GRM8: variants seen among roughly 807,000 people sequenced by gnomAD.
The protein encoded by GRM8 is glutamate metabotropic receptor 8, also known as metabotropic glutamate receptor 8.
Under a neutral mutation model 87.2 loss-of-function variants are expected in GRM8, and 47 were observed. That is an observed-to-expected ratio of 0.54 (90% CI 0.43 to 0.69). The LOEUF is 0.69. GRM8 is among the 30% of genes least tolerant of loss of function. The probability of loss-of-function intolerance (pLI) is 0.00; values close to 1 mark genes in which losing one functional copy is unlikely to be tolerated. For missense variants in GRM8, 1,019 were observed against 1,139.2 expected, an observed-to-expected ratio of 0.89 and a Z score of 1.52; for synonymous variants, 396 against 404.5, an observed-to-expected ratio of 0.98 and a Z score of 0.25.
At chr7:126,980,545 T>C (rs1811418705) in intron 3 of GRM8, among the ~76,000 whole-genome samples, 1 of 152,232 alleles carries the variant, frequency 6.6e-6, no homozygotes, top group East Asian at 1.9e-4. Flanking sequence ...AATTCTTGCC[T>C]CTGTCCTTGA....
chr7:126,477,913 C>T (rs1362379476), intron 9 of GRM8, among the ~76,000 whole-genome samples: 1 of 152,054 alleles, frequency 6.6e-6, no homozygotes, highest in Non-Finnish European at 1.5e-5. Context: ...AAGGTGTTGG[C>T]CATGCAGTTC....
intron 10 of GRM8, among the ~76,000 whole-genome samples, chr7:126,442,386 C>T (rs887438900): frequency 3.3e-5 from 5 of 151,606 alleles, no homozygotes; most frequent in African/African-American, 1.2e-4. Context: ...TCTAAATTTC[C>T]TCTAAGAAAA....
intron 3 of GRM8, chr7:127,075,841 A>G (rs968624004): frequency 1.1e-5 from 2 of 182,952 alleles, no homozygotes; most frequent in African/African-American, 4.7e-5. Context: ...CTGCTCACCC[A>G]TACCTGTCTC....
chr7:127,009,781 C>T (rs1563407874), intron 3 of GRM8, among the ~76,000 whole-genome samples: 1 of 151,846 alleles, frequency 6.6e-6, no homozygotes, highest in Non-Finnish European at 1.5e-5. Flanking sequence ...AAGTCATTCT[C>T]CTTTAAATTC....
intron 6 of GRM8, among the ~76,000 whole-genome samples, chr7:126,789,874 G>A (rs1322831727): frequency 6.6e-6 from 1 of 152,156 alleles, no homozygotes; most frequent in African/African-American, 2.4e-5. Flanking sequence ...TGGAAAAGGA[G>A]AACAACAAAG....
chr7:127,029,358 G>A (rs578258833), intron 3 of GRM8, among the ~76,000 whole-genome samples: 22 of 152,252 alleles, frequency 1.4e-4, no homozygotes, highest in Non-Finnish European at 1.9e-4. Flanking sequence ...TCTGCTTGGC[G>A]CAGAGCTGAG....
intron 3 of GRM8, among the ~76,000 whole-genome samples, chr7:127,042,949 T>A (rs1023984951): frequency 4.0e-5 from 6 of 151,778 alleles, no homozygotes; most frequent in Admixed American, 1.3e-4. Flanking sequence ...AAAAAATGGG[T>A]GAAGGATATG....
At chr7:126,853,188 A>G (rs1410434856) in intron 6 of GRM8, among the ~76,000 whole-genome samples, 1 of 152,222 alleles carries the variant, frequency 6.6e-6, no homozygotes, top group Non-Finnish European at 1.5e-5. Context: ...CTGGCCTTAG[A>G]GGATGAAAGA....
At chr7:127,157,020 A>G (rs1050781651) in intron 2 of GRM8, among the ~76,000 whole-genome samples, 4 of 152,166 alleles carry the variant, frequency 2.6e-5, no homozygotes, top group African/African-American at 4.8e-5. Flanking sequence ...ACAAGTGTCC[A>G]CATCTTTTTA....
intron 6 of GRM8, among the ~76,000 whole-genome samples, chr7:126,891,142 T>C (rs1395062255): frequency 6.6e-6 from 1 of 152,094 alleles, no homozygotes; most frequent in African/African-American, 2.4e-5. Flanking sequence ...GAATTTCCCA[T>C]TCCAAGAATC....
intron 2 of GRM8, among the ~76,000 whole-genome samples, chr7:127,204,884 G>A (rs566532380): frequency 3.7e-4 from 57 of 152,210 alleles, no homozygotes; most frequent in African/African-American, 1.2e-3. Flanking sequence ...TCAGTAAGTC[G>A]TTACTCTTCA....
chr7:127,037,187 T>C (rs1484291678), intron 3 of GRM8, among the ~76,000 whole-genome samples: 1 of 152,204 alleles, frequency 6.6e-6, no homozygotes, highest in Admixed American at 6.5e-5. Flanking sequence ...GCTAAGGGTA[T>C]AGATCTTCTC....
intron 8 of GRM8, among the ~76,000 whole-genome samples, chr7:126,555,162 T>C (rs1793003341): frequency 2.0e-5 from 3 of 152,238 alleles, no homozygotes; most frequent in Admixed American, 2.0e-4. Flanking sequence ...ATCTTTTTGA[T>C]AGATTCATAG....
chr7:126,597,149 T>C (rs1454395038), intron 8 of GRM8, among the ~76,000 whole-genome samples: 4 of 152,138 alleles, frequency 2.6e-5, no homozygotes, highest in African/African-American at 9.7e-5. Flanking sequence ...CATAACCATA[T>C]TAACATACTA....
intron 9 of GRM8, among the ~76,000 whole-genome samples, chr7:126,465,041 G>C (rs773929107): frequency 6.6e-6 from 1 of 150,644 alleles, no homozygotes; most frequent in Non-Finnish European, 1.5e-5. Context: ...TATTTTTTTT[G>C]ATAATCAAAT....
At chr7:126,874,203 A>G (rs1239013762) in intron 6 of GRM8, among the ~76,000 whole-genome samples, 2 of 152,044 alleles carry the variant, frequency 1.3e-5, no homozygotes, top group Admixed American at 1.3e-4. Context: ...CAGCCTCTAA[A>G]TCATTTTGGA....
At chr7:127,087,350 G>A (rs1019136712) in intron 3 of GRM8, among the ~76,000 whole-genome samples, 2 of 152,186 alleles carry the variant, frequency 1.3e-5, no homozygotes, top group African/African-American at 2.4e-5. Flanking sequence ...AGAGAACGAA[G>A]AGTATGAGAC....
intron 6 of GRM8, among the ~76,000 whole-genome samples, chr7:126,889,467 T>C (rs1412935111): frequency 6.6e-6 from 1 of 152,114 alleles, no homozygotes; most frequent in African/African-American, 2.4e-5. Flanking sequence ...TGAATTATTG[T>C]CTATCTGGGT....
intron 6 of GRM8, among the ~76,000 whole-genome samples, chr7:126,786,789 T>C (rs1409905472): frequency 6.6e-6 from 1 of 152,204 alleles, no homozygotes; most frequent in African/African-American, 2.4e-5. Context: ...TCAAAAGTTA[T>C]TATAGTTACC....
Sources: allele counts gnomAD v4.1 joint callset (sites outside exome capture counted in the v4.1 genomes callset), GRCh38; gene constraint gnomAD v4.1.1; transcripts MANE v1.5; gene names NCBI Gene and HGNC (gene_info 2026-07-23, HGNC 2026-07-21).